IGFBPL1: variants seen among roughly 807,000 people sequenced by gnomAD.
IGFBPL1 encodes insulin like growth factor binding protein like 1.
IGFBPL1 carries 20 observed loss-of-function variants against 23.9 expected under a neutral mutation model. That is an observed-to-expected ratio of 0.84 (90% CI 0.59 to 1.22). The LOEUF (loss-of-function observed/expected upper bound fraction) is 1.22. IGFBPL1 is among the 50% of genes most tolerant of loss of function. The pLI, the probability that IGFBPL1 is intolerant of heterozygous loss-of-function variation, is 0.00. For synonymous variants in IGFBPL1, 184 were observed against 171.8 expected, an observed-to-expected ratio of 1.07 and a Z score of -0.56; for missense variants, 436 against 379.3, an observed-to-expected ratio of 1.15 and a Z score of -1.24.
intron 4 of IGFBPL1, among the ~76,000 whole-genome samples, chr9:38,410,271 G>A (rs7848589): frequency 0.23 from 34,969 of 151,784 alleles, 4,189 homozygotes; most frequent in African/African-American, 0.26. Context: ...TCATGAAGTC[G>A]GGAGATCAAG....
At chr9:38,413,207 C>T (rs1821537343) in intron 3 of IGFBPL1, 30 bp downstream of exon 3, 2 of 1,298,056 alleles carry the variant, frequency 1.5e-6, no homozygotes, top group Non-Finnish European at 1.1e-6. Flanking sequence ...AATGGTCAGT[C>T]AATAATATCC....
rs1267087786 is a variant in IGFBPL1, at chr9:38,424,179, G to A, written c.246C>T (p.Gly82=). Residue 82 remains glycine (G), a synonymous_variant, in exon 1 of 5, where the codon GGC becomes GGT. Coordinates refer to ENST00000377694, the MANE Select transcript of IGFBPL1 (RefSeq NM_001007563.3). ...AEGASCGGRA[G]GRCGPGLVCA... is the part of the protein sequence containing the mutation. Reference sequence around the variant, plus strand: ...ATACCAGGCCGGGGCCACAGCGCCCGCCGGCGCGGCCCCCGCAGCTCGCGC... The same window carrying A: ...ATACCAGGCCGGGGCCACAGCGCCCACCGGCGCGGCCCCCGCAGCTCGCGC... The A allele has an allele frequency of 2.6e-6, 3 of 1,163,550 alleles. No homozygotes were observed. The highest frequency in any genetic ancestry group is 4.7e-5 in the Admixed American group (1 of 21,268). The allele number at this position is 1,163,550 out of a possible 1,614,324, so 72.1% of individuals were successfully genotyped here.
At chr9:38,419,891 C>CCTCCTCCTCCTCCTCCTCCTCCTT (rs1554661912) in intron 1 of IGFBPL1, among the ~76,000 whole-genome samples, 22 of 126,182 alleles carry the variant, frequency 1.7e-4, no homozygotes, top group Non-Finnish European at 2.8e-4. Flanking sequence ...TCCTCCTCCT[C>CCTCCTCCTCCTCCTCCTCCTCCTT]CTTCTTCTTC....
At position 38,414,168 on chromosome 9, in the gene IGFBPL1, T is replaced by C; in HGVS notation, c.496A>G (p.Asn166Asp). The C allele has an allele frequency of 6.2e-7, 1 of 1,610,946 alleles. No homozygotes were observed. Among genetic ancestry groups the C allele is most frequent in the Non-Finnish European group, 8.5e-7 (1 of 1,178,658 alleles). The part of the protein sequence containing the change: ...VVVVPPRSVH[N>D]VTGAQVGLSC... ...AGGCCCACCTGCGCCCCGGTGACGTTGTGAACACTTCGGGGAGGAACGACG... is the reference window on the plus strand; with the variant it reads ...AGGCCCACCTGCGCCCCGGTGACGTCGTGAACACTTCGGGGAGGAACGACG... The change falls in exon 2 of 5, where the codon AAC (asparagine) becomes GAC (aspartate). Residue 166 changes from asparagine to aspartate, a missense_variant. Physicochemically the swap from Asn to Asp is conservative, Grantham distance 23 (BLOSUM62 1). Coordinates refer to ENST00000377694, the MANE Select transcript of IGFBPL1 (RefSeq NM_001007563.3).
chr9:38,422,220 G>A (rs559810527), intron 1 of IGFBPL1, among the ~76,000 whole-genome samples: 1 of 152,282 alleles, frequency 6.6e-6, no homozygotes, highest in South Asian at 2.1e-4. Context: ...GGTCACCCTG[G>A]ACAAGGGCTC....
intron 1 of IGFBPL1, among the ~76,000 whole-genome samples, chr9:38,419,419 C>T (rs550938838): frequency 7.2e-5 from 11 of 152,242 alleles, no homozygotes; most frequent in South Asian, 2.1e-4. Flanking sequence ...GTCCCTCTCA[C>T]GAAGTGGCAT....
At chr9:38,421,255 C>CACCTGGGA (rs1821672744) in intron 1 of IGFBPL1, among the ~76,000 whole-genome samples, 1 of 142,352 alleles carries the variant, frequency 7.0e-6, no homozygotes, top group South Asian at 2.2e-4. Context: ...CATTGTATTC[C>CACCTGGGA]ACCTGGGAGA....
At chr9:38,420,776 G>C (rs564814995) in intron 1 of IGFBPL1, among the ~76,000 whole-genome samples, 29 of 152,106 alleles carry the variant, frequency 1.9e-4, no homozygotes, top group Non-Finnish European at 4.1e-4. Flanking sequence ...GGTGGAGCTT[G>C]CAGTGAGCCA....
At chr9:38,416,539 C>T (rs952090358) in intron 1 of IGFBPL1, among the ~76,000 whole-genome samples, 4 of 152,140 alleles carry the variant, frequency 2.6e-5, no homozygotes, top group African/African-American at 9.7e-5. Flanking sequence ...AAGCACAATT[C>T]GTTCCTTCTG....
intron 1 of IGFBPL1, among the ~76,000 whole-genome samples, chr9:38,419,326 C>A (rs568225123): frequency 6.6e-6 from 1 of 152,254 alleles, no homozygotes; most frequent in African/African-American, 2.4e-5. Flanking sequence ...GAACAAGAAA[C>A]AGCTTAATCC....
chr9:38,413,880 A>AT (rs1185458697), intron 2 of IGFBPL1, among the ~76,000 whole-genome samples: 2 of 152,262 alleles, frequency 1.3e-5, no homozygotes, highest in East Asian at 3.9e-4. Flanking sequence ...GTTCCCTTCC[A>AT]AGGGGAGAGG....
At chr9:38,415,962 G>A (rs983456260) in intron 1 of IGFBPL1, among the ~76,000 whole-genome samples, 2 of 152,162 alleles carry the variant, frequency 1.3e-5, no homozygotes, top group Admixed American at 6.5e-5. Context: ...CCATGTGCCT[G>A]AATGTAGCCA....
rs199532559 is a variant in IGFBPL1 at position 38,413,249 on chromosome 9, C to T, written c.675G>A (p.Thr225=). ...CCTAAACACTCACCAAAATCCAGGC[C>T]GTGGCCTCATGGTCAGAAGGGCCCC... ...VRGGPSDHEA[T]AWILINPLRK... is the part of the protein sequence containing the mutation. Residue 225 remains threonine, a synonymous_variant, in exon 3 of 5, where the codon ACG becomes ACA. Transcript: ENST00000377694. 6 of 1,609,684 alleles carry T rather than the reference C, an allele frequency of 3.7e-6. No homozygotes were observed. The highest frequency in any genetic ancestry group is 2.7e-5 in the African/African-American group (2 of 74,948).
intron 1 of IGFBPL1, among the ~76,000 whole-genome samples, chr9:38,418,123 C>T (rs1821626093): frequency 6.6e-6 from 1 of 152,194 alleles, no homozygotes; most frequent in Admixed American, 6.5e-5. Context: ...TAACCCATAA[C>T]ATGAGCAATG....
In IGFBPL1 at chr9:38,408,658, C is replaced by T. The variant is rs946602093; in HGVS notation, c.*569G>A. Among the ~76,000 whole-genome samples the T allele has an allele frequency of 2.6e-5, 4 of 152,164 alleles. No individual in the cohort carries two copies. Among genetic ancestry groups the T allele is most frequent in the Non-Finnish European group, 4.4e-5 (3 of 68,048 alleles). ...CATTTTAGAAAGAACACTAAGACCA[C>T]ACTTCCTGTTATTTTCCCAAAAGGC... is the stretch of plus-strand genomic sequence containing the variant. On this transcript the variant is annotated 3_prime_UTR_variant, in exon 5 of 5. Transcript: ENST00000377694.
At chr9:38,416,348 T>C (rs1259329980) in intron 1 of IGFBPL1, among the ~76,000 whole-genome samples, 8 of 152,240 alleles carry the variant, frequency 5.3e-5, no homozygotes. Flanking sequence ...TTTCAGTCTG[T>C]CTCTCTAACA....
At position 38,413,378 on chromosome 9, in the gene IGFBPL1, G is replaced by C. The variant is rs138427107; in HGVS notation, c.571-25C>G. 3.2e-5 allele frequency: 48 copies of C among 1,496,528 alleles called. No individual in the cohort carries two copies. The Middle Eastern group carries it at 6.9e-4, about 21-fold the overall frequency. 92.7% of individuals were successfully genotyped at this position (1,496,528 alleles called of 1,614,324 possible). A position where few individuals can be genotyped will look rare whatever the true frequency, so the allele number is the denominator to read the frequency against. The stretch of plus-strand genomic sequence containing the variant: ...CCTACAGGGGACAGGAATGCCAGGA[G>C]GGGGCTTAGAAAAAGCAATTCTGGA... On this transcript the variant is annotated intron_variant, in intron 2 of 4. Transcript: ENST00000377694.
chr9:38,421,235 G>C (rs114006917), intron 1 of IGFBPL1, among the ~76,000 whole-genome samples: 2,039 of 140,844 alleles, frequency 0.014, 46 homozygotes, highest in African/African-American at 0.048. Flanking sequence ...ACAGTGGGCT[G>C]TGATCAAGCC....
chr9:38,407,703 G>A lies in IGFBPL1; in HGVS notation c.*1524C>T, dbSNP rs185147381. 8.2e-4 allele frequency among the ~76,000 whole-genome samples: 125 copies of A among 152,310 alleles called. 1 individual carries two copies. The highest frequency in any genetic ancestry group is 1.9e-3 in the South Asian group (9 of 4,828). ...AGGAGGGCCAGGTGCCCTGAGCTCT[G>A]CTCCTCTTTCAGAGGCCTTCAGGCC... is the stretch of plus-strand genomic sequence containing the variant. On this transcript the variant is annotated 3_prime_UTR_variant, in exon 5 of 5. Transcript: ENST00000377694.
Sources: allele counts gnomAD v4.1 joint callset (sites outside exome capture counted in the v4.1 genomes callset), GRCh38; gene constraint gnomAD v4.1.1; transcripts MANE v1.5; gene names NCBI Gene and HGNC (gene_info 2026-07-23, HGNC 2026-07-21).